The following LPP variants were observed in gnomAD, a reference collection of about 807,000 sequenced individuals.
The protein encoded by LPP is lipoma-preferred partner.
A neutral mutation model predicts 60.4 loss-of-function variants in LPP; 38 were observed. The ratio of observed to expected loss-of-function variants is 0.63; its 90% CI spans 0.49 to 0.83. The LOEUF (loss-of-function observed/expected upper bound fraction) is 0.83. Ranked by LOEUF, LPP falls within the 40% of genes least tolerant of loss-of-function variation. LPP has a pLI of 0.00. For missense variants in LPP, 902 were observed against 783.6 expected, an observed-to-expected ratio of 1.15 and a Z score of -1.80; for synonymous variants, 328 against 290.8, an observed-to-expected ratio of 1.13 and a Z score of -1.30.
intron 8 of LPP, among the ~76,000 whole-genome samples, chr3:188,735,897 T>G (rs1434785609): frequency 6.6e-6 from 1 of 152,198 alleles, no homozygotes; most frequent in Non-Finnish European, 1.5e-5. Flanking sequence ...TTATGATTTA[T>G]GAAAGACCTG....
intron 9 of LPP, among the ~76,000 whole-genome samples, chr3:188,792,833 T>G (rs995013814): frequency 3.3e-5 from 5 of 152,176 alleles, no homozygotes; most frequent in Non-Finnish European, 5.9e-5. Flanking sequence ...AGGCACTGCA[T>G]TTAAGTAAGT....
chr3:188,879,094 C>T lies in LPP; in HGVS notation c.*4615C>T. On this transcript the variant is annotated 3_prime_UTR_variant, in exon 12 of 12. Coordinates refer to ENST00000617246, the MANE Select transcript of LPP (RefSeq NM_001375462.1). Reference sequence around the variant, plus strand: ...CAGTGAGGCATTAATATGGTGCAACCATGAATATTTCAGGCCAAGTTATTC... The same window carrying T: ...CAGTGAGGCATTAATATGGTGCAACTATGAATATTTCAGGCCAAGTTATTC... 4.4e-6 allele frequency: 1 copy of T among 228,352 alleles called. No homozygotes were observed. Among genetic ancestry groups the T allele is most frequent in the Non-Finnish European group, 8.7e-6 (1 of 115,040 alleles). The allele number at this position is 228,352 out of a possible 1,614,324, so 14.1% of individuals were successfully genotyped here.
intron 7 of LPP, among the ~76,000 whole-genome samples, chr3:188,648,519 G>A (rs544476529): frequency 2.6e-5 from 4 of 152,254 alleles, no homozygotes; most frequent in Admixed American, 6.5e-5. Flanking sequence ...CACTCACGTC[G>A]TATCCAGACA....
In LPP at chr3:188,882,328, A is replaced by T. The variant is rs1340317804; in HGVS notation, c.*7849A>T. On this transcript the variant is annotated 3_prime_UTR_variant, in exon 12 of 12. Transcript: ENST00000617246. Reference sequence around the variant, plus strand: ...GAAGACCCTCTGCATTGGCCAAAATATCATGGATTCTGGAAATTCCTTCTT... The same window carrying T: ...GAAGACCCTCTGCATTGGCCAAAATTTCATGGATTCTGGAAATTCCTTCTT... 1.3e-5 allele frequency: 3 copies of T among 225,892 alleles called. No homozygotes were observed. The highest frequency in any genetic ancestry group is 2.6e-5 in the Non-Finnish European group (3 of 113,522). 14.0% of individuals were successfully genotyped at this position (225,892 alleles called of 1,614,324 possible).
intron 4 of LPP, among the ~76,000 whole-genome samples, chr3:188,449,933 T>C (rs1392749276): frequency 6.6e-6 from 1 of 152,016 alleles, no homozygotes; most frequent in Non-Finnish European, 1.5e-5. Flanking sequence ...GCCTCCTGAG[T>C]AGCTGGGATT....
chr3:188,505,319 C>A (rs1040243910), intron 5 of LPP, among the ~76,000 whole-genome samples: 2 of 152,146 alleles, frequency 1.3e-5, no homozygotes, highest in African/African-American at 4.8e-5. Flanking sequence ...ATGCCTGCAA[C>A]TATTCCTTTT....
At chr3:188,767,448 A>T (rs1054494819) in intron 9 of LPP, among the ~76,000 whole-genome samples, 8 of 152,158 alleles carry the variant, frequency 5.3e-5, no homozygotes, top group African/African-American at 1.9e-4. Context: ...TCTTTATAAA[A>T]CCTTAACACA....
In LPP at chr3:188,654,793, A is replaced by C. The variant is rs574423429; in HGVS notation, c.1113+44949A>C. On this transcript the variant is annotated intron_variant, in intron 7 of 11. Coordinates refer to ENST00000617246, the MANE Select transcript of LPP (RefSeq NM_001375462.1). ...CATCTGCAAGTACAAGAATCCTTTC[A>C]CAAATAAATTCCAGAGGACTCCAAC... is the stretch of plus-strand genomic sequence containing the variant. 2.0e-5 allele frequency among the ~76,000 whole-genome samples: 3 copies of C among 152,328 alleles called. No homozygotes were observed. The South Asian group carries it at 6.2e-4, about 32-fold the overall frequency.
At chr3:188,746,553 C>T (rs1726282727) in intron 8 of LPP, 2 of 488,122 alleles carry the variant, frequency 4.1e-6, no homozygotes, top group Middle Eastern at 6.1e-4. Context: ...ACTTTGCACT[C>T]TCCCTGTGTG....
intron 9 of LPP, among the ~76,000 whole-genome samples, chr3:188,830,460 G>T (rs1368147894): frequency 6.6e-6 from 1 of 151,932 alleles, no homozygotes; most frequent in African/African-American, 2.4e-5. Flanking sequence ...CAAAAAATTA[G>T]CCAGGTGTGG....
intron 9 of LPP, among the ~76,000 whole-genome samples, chr3:188,774,320 T>C (rs1167381457): frequency 6.6e-6 from 1 of 152,206 alleles, no homozygotes; most frequent in African/African-American, 2.4e-5. Context: ...CTTTCATCTA[T>C]GTCTTGGTTT....
chr3:188,342,197 A>T (rs1578204862), intron 3 of LPP, among the ~76,000 whole-genome samples: 1 of 152,170 alleles, frequency 6.6e-6, no homozygotes. Flanking sequence ...CTTAGCTGCC[A>T]AACAAAATCA....
intron 7 of LPP, among the ~76,000 whole-genome samples, chr3:188,663,095 G>A (rs1463880380): frequency 2.0e-5 from 3 of 152,184 alleles, no homozygotes; most frequent in Non-Finnish European, 2.9e-5. Flanking sequence ...AGAAACAAGT[G>A]GGGAGAAAAA....
intron 6 of LPP, among the ~76,000 whole-genome samples, chr3:188,559,504 A>G (rs1830200888): frequency 6.6e-6 from 1 of 152,080 alleles, no homozygotes. Context: ...CTCTAGTTAT[A>G]TGAAGCCTGG....
At chr3:188,459,839 TGG>T (rs11286024) in intron 4 of LPP, among the ~76,000 whole-genome samples, 1 of 151,214 alleles carries the variant, frequency 6.6e-6, no homozygotes, top group Non-Finnish European at 1.5e-5. Context: ...TGATTATTCA[TGG>T]GGGGGGGTTC....
At chr3:188,176,923 C>T (rs1723202091) in intron 1 of LPP, among the ~76,000 whole-genome samples, 1 of 152,208 alleles carries the variant, frequency 6.6e-6, no homozygotes, top group Non-Finnish European at 1.5e-5. Context: ...CCAGCTTTGC[C>T]ACTAAATGGC....
At chr3:188,645,510 ATGT>A (rs1255674681) in intron 7 of LPP, among the ~76,000 whole-genome samples, 2 of 152,114 alleles carry the variant, frequency 1.3e-5, no homozygotes, top group Non-Finnish European at 2.9e-5. Flanking sequence ...TCAAAATCAG[ATGT>A]TGTTATGTGA....
chr3:188,240,075 C>T (rs553839948), intron 2 of LPP: 1 of 197,326 alleles, frequency 5.1e-6, no homozygotes, highest in Non-Finnish European at 1.1e-5. Context: ...TATTGCTGTC[C>T]TGTAGTTCAT....
At chr3:188,525,392 C>A (rs1438074962) in intron 6 of LPP, among the ~76,000 whole-genome samples, 1 of 152,124 alleles carries the variant, frequency 6.6e-6, no homozygotes, top group Non-Finnish European at 1.5e-5. Flanking sequence ...TTAAAAATAA[C>A]ACAACATCAT....
Sources: gnomAD v4.1 joint callset for allele counts (sites outside exome capture counted in the v4.1 genomes callset) on GRCh38, gnomAD v4.1.1 for gene constraint, MANE v1.5 for transcripts, NCBI Gene and HGNC (gene_info 2026-07-23, HGNC 2026-07-21) for gene names.